Variants in OR6C2 observed in about 807,000 individuals in gnomAD.
OR6C2 encodes olfactory receptor family 6 subfamily C member 2.
For synonymous variants in OR6C2, 146 were observed against 134.2 expected (o/e 1.09, Z -0.61); for missense variants, 435 against 365.8 (o/e 1.19, Z -1.54).
At position 55,452,112 on chromosome 12, in the gene OR6C2, T is replaced by G; in HGVS notation, c.-102T>G. On this transcript the variant is annotated 5_prime_UTR_variant, in exon 2 of 2. Transcript: ENST00000641202. Reference sequence around the variant, plus strand: ...AGAAAATAAAAGTAGGCTGGTCAGCTTGGCTTCTAGATGCATATCCTTTTG... The same window carrying G: ...AGAAAATAAAAGTAGGCTGGTCAGCGTGGCTTCTAGATGCATATCCTTTTG... 1 of 664,240 alleles carries G rather than the reference T, an allele frequency of 1.5e-6. No individual in the cohort carries two copies. 41.1% of individuals were successfully genotyped at this position (664,240 alleles called of 1,614,324 possible). A position where few individuals can be genotyped will look rare whatever the true frequency, so the allele number is the denominator to read the frequency against.
At position 55,452,882 on chromosome 12, in the gene OR6C2, T is replaced by A. The variant is rs763068196; in HGVS notation, c.669T>A (p.Ile223=). The A allele has an allele frequency of 6.2e-7, 1 of 1,613,870 alleles. No individual in the cohort carries two copies. The highest frequency in any genetic ancestry group is 2.2e-5 in the East Asian group (1 of 44,874). The change falls in exon 2 of 2, where the codon ATT becomes ATA. Residue 223 remains isoleucine (I), a synonymous_variant. Transcript: ENST00000641202. ...CCTACTTGTACATAGTCAGAACAAT[T>A]CTGAAGTTCCCTTCTGTTCAGCAAA... is the stretch of plus-strand genomic sequence containing the variant. ...ILSYLYIVRT[I]LKFPSVQQRK...
In OR6C2 at chr12:55,452,308, C is replaced by A; in HGVS notation, c.95C>A (p.Thr32Asn). 5 of 1,613,320 alleles carry A rather than the reference C, an allele frequency of 3.1e-6. No homozygotes were observed. The highest frequency in any genetic ancestry group is 4.2e-6 in the Non-Finnish European group (5 of 1,179,438). The stretch of plus-strand genomic sequence containing the variant: ...CTGCTTTTTATCTTTCTATTTCTCA[C>A]CTACATGTTGAGTGTAACAGGGAAC... ...QVLLFIFLFLTYMLSVTGNLT... is the reference protein window; with the variant it reads ...QVLLFIFLFLNYMLSVTGNLT... Residue 32 changes from threonine (T) to asparagine (N), a missense_variant, in exon 2 of 2, where the codon ACC becomes AAC. Coordinates refer to ENST00000641202, the MANE Select transcript of OR6C2 (RefSeq NM_054105.2).
intron 1 of OR6C2, among the ~76,000 whole-genome samples, chr12:55,447,460 C>A (rs1338935346): frequency 2.0e-5 from 3 of 152,054 alleles, no homozygotes; most frequent in Admixed American, 6.6e-5. Context: ...ATAACTGAAA[C>A]TTTATAACTA....
At chr12:55,450,293 T>C (rs1426555410) in intron 1 of OR6C2, among the ~76,000 whole-genome samples, 1 of 152,072 alleles carries the variant, frequency 6.6e-6, no homozygotes, top group African/African-American at 2.4e-5. Flanking sequence ...AGAATCAATA[T>C]GTATGCACCA....
chr12:55,444,378 G>T (rs1360910573), intron 1 of OR6C2, among the ~76,000 whole-genome samples: 1 of 152,108 alleles, frequency 6.6e-6, no homozygotes, highest in Non-Finnish European at 1.5e-5. Flanking sequence ...GCAGTAGTTT[G>T]TGGTCACCCA....
At position 55,449,722 on chromosome 12, in the gene OR6C2, A is replaced by G. The variant is rs147931226; in HGVS notation, c.-887-1605A>G. Among the ~76,000 whole-genome samples the G allele has an allele frequency of 3.0e-4, 46 of 151,938 alleles. 1 individual carries two copies. Among genetic ancestry groups the G allele is most frequent in the African/African-American group, 9.9e-4 (41 of 41,490 alleles). ...ATATGAGAATCAAATTCTGGAAAAA[A>G]GGAAAAAAAAATTCTAAGTTCTTAG... On this transcript the variant is annotated intron_variant, in intron 1 of 1. Transcript: ENST00000641202.
Position 55,452,592 on chromosome 12 carries a change from C to G in OR6C2, c.379C>G (p.Pro127Ala). ...SYDRYVAICK[P>A]LHYVVIMNNR... is the part of the protein sequence containing the mutation. ...TGACCGCTATGTGGCCATCTGTAAA[C>G]CCCTTCATTATGTGGTCATCATGAA... Residue 127 changes from proline to alanine, a missense_variant, in exon 2 of 2, where the codon CCC becomes GCC. By Grantham distance (27) the Pro-to-Ala change is conservative (BLOSUM62 -1). Coordinates refer to ENST00000641202, the MANE Select transcript of OR6C2 (RefSeq NM_054105.2). The G allele has an allele frequency of 6.2e-7, 1 of 1,613,888 alleles. No individual in the cohort carries two copies. The highest frequency in any genetic ancestry group is 8.5e-7 in the Non-Finnish European group (1 of 1,179,878).
rs190099824 is a variant in OR6C2 at position 55,447,636 on chromosome 12, G to T, written c.-888+3477G>T. Among the ~76,000 whole-genome samples, 7 of 152,062 alleles carry T rather than the reference G, an allele frequency of 4.6e-5. No individual in the cohort carries two copies. The South Asian group carries it at 8.3e-4, about 18-fold the overall frequency. ...TTTCACTTAGTATAACCTCTTGTAG[G>T]TTCATCTGTGTGGTCACAAATCACA... On this transcript the variant is annotated intron_variant, in intron 1 of 1. Coordinates refer to ENST00000641202, the MANE Select transcript of OR6C2 (RefSeq NM_054105.2).
At chr12:55,446,700 G>A (rs1017088163) in intron 1 of OR6C2, among the ~76,000 whole-genome samples, 9 of 152,046 alleles carry the variant, frequency 5.9e-5, no homozygotes, top group African/African-American at 1.9e-4. Context: ...AGTTGAGTGT[G>A]GAGAACAAAA....
rs1871492470 is a variant in OR6C2 at position 55,452,337 on chromosome 12, A to T, written c.124A>T (p.Thr42Ser). 2 of 1,613,406 alleles carry T rather than the reference A, an allele frequency of 1.2e-6. No homozygotes were observed. Among genetic ancestry groups the T allele is most frequent in the Non-Finnish European group, 1.7e-6 (2 of 1,179,636 alleles). Residue 42 changes from threonine (T) to serine (S), a missense_variant, in exon 2 of 2, where the codon ACT becomes TCT. By Grantham distance (58) the Thr-to-Ser change is moderately conservative. Coordinates refer to ENST00000641202, the MANE Select transcript of OR6C2 (RefSeq NM_054105.2). ...TYMLSVTGNL[T>S]IITLTLVDHH... is the part of the protein sequence containing the mutation. ...CATGTTGAGTGTAACAGGGAACCTG[A>T]CTATTATCACCCTCACATTGGTGGA...
intron 1 of OR6C2, among the ~76,000 whole-genome samples, chr12:55,447,984 G>C (rs1871394586): frequency 6.6e-6 from 1 of 151,876 alleles, no homozygotes; most frequent in Non-Finnish European, 1.5e-5. Flanking sequence ...ATTTCTCTAT[G>C]TACTTGCCCA....
chr12:55,452,446 G>T lies in OR6C2; in HGVS notation c.233G>T (p.Arg78Ile), dbSNP rs764033561. Residue 78 changes from arginine to isoleucine, a missense_variant, in exon 2 of 2, where the codon AGA becomes ATA. Coordinates refer to ENST00000641202, the MANE Select transcript of OR6C2 (RefSeq NM_054105.2). ...TCATTTACTACAGTCTGCATTCCCA[G>T]ATTCTTGTACAATATATCAATGGGG... is the stretch of plus-strand genomic sequence containing the variant. ...EVSFTTVCIP[R>I]FLYNISMGDN... is the part of the protein sequence containing the mutation. 6.2e-7 allele frequency: 1 copy of T among 1,613,500 alleles called. No individual in the cohort carries two copies. The highest frequency in any genetic ancestry group is 8.5e-7 in the Non-Finnish European group (1 of 1,179,552).
chr12:55,450,447 T>G (rs981830396), intron 1 of OR6C2, among the ~76,000 whole-genome samples: 10 of 152,132 alleles, frequency 6.6e-5, no homozygotes, highest in Admixed American at 6.6e-4. Context: ...AGGAAGGTCC[T>G]GCCCATGAAG....
intron 1 of OR6C2, among the ~76,000 whole-genome samples, chr12:55,447,846 T>C (rs572096155): frequency 6.6e-6 from 1 of 152,234 alleles, no homozygotes; most frequent in African/African-American, 2.4e-5. Flanking sequence ...ATTTTGCATA[T>C]ATACCAACAG....
Position 55,452,415 on chromosome 12 carries a change from G to T in OR6C2, c.202G>T (p.Glu68Ter). ...YFFLRNFSFL[E>*]VSFTTVCIPR... ...CTTTCTCAGAAATTTTTCCTTCTTA[G>T]AAGTCTCATTTACTACAGTCTGCAT... Residue 68 changes from glutamate to a stop codon, truncating the protein, a stop_gained, in exon 2 of 2, where the codon GAA (glutamate) becomes TAA (stop). Coordinates refer to ENST00000641202, the MANE Select transcript of OR6C2 (RefSeq NM_054105.2). LOFTEE classifies it low-confidence loss of function (END_TRUNC). The T allele has an allele frequency of 1.2e-6, 2 of 1,613,418 alleles. No homozygotes were observed. The highest frequency in any genetic ancestry group is 1.7e-6 in the Non-Finnish European group (2 of 1,179,676).
In OR6C2 at chr12:55,452,236, G is replaced by A; in HGVS notation, c.23G>A (p.Arg8Lys). The A allele has an allele frequency of 6.3e-7, 1 of 1,586,618 alleles. No individual in the cohort carries two copies. The highest frequency in any genetic ancestry group is 8.6e-7 in the Non-Finnish European group (1 of 1,167,740). The change falls in exon 2 of 2, where the codon AGA becomes AAA. Residue 8 changes from arginine to lysine, a missense_variant. Arg to Lys is a conservative substitution (Grantham distance 26). Transcript: ENST00000641202. MKNHTVI[R>K]TFILLGLTGD... Reference sequence around the variant, plus strand: ...GTGATGAAAAACCACACAGTAATAAGAACTTTTATCCTGCTGGGACTGACA... The same window carrying A: ...GTGATGAAAAACCACACAGTAATAAAAACTTTTATCCTGCTGGGACTGACA...
At chr12:55,445,625 C>T (rs1300822752) in intron 1 of OR6C2, among the ~76,000 whole-genome samples, 1 of 152,148 alleles carries the variant, frequency 6.6e-6, no homozygotes, top group Non-Finnish European at 1.5e-5. Flanking sequence ...AACTCATTTC[C>T]TCTTGCTGAA....
Position 55,452,602 on chromosome 12 carries a change from A to G in OR6C2, c.389A>G (p.Tyr130Cys), listed in dbSNP as rs768723583. The G allele has an allele frequency of 1.2e-6, 2 of 1,613,854 alleles. No individual in the cohort carries two copies. The highest frequency in any genetic ancestry group is 4.5e-5 in the East Asian group (2 of 44,868). The change falls in exon 2 of 2, where the codon TAT (tyrosine) becomes TGT (cysteine). Residue 130 changes from tyrosine (Y) to cysteine (C), a missense_variant. Transcript: ENST00000641202. ...GTGGCCATCTGTAAACCCCTTCATT[A>G]TGTGGTCATCATGAACAACAGGGTG... ...RYVAICKPLH[Y>C]VVIMNNRVCT...
intron 1 of OR6C2, among the ~76,000 whole-genome samples, chr12:55,446,185 T>C (rs1871358675): frequency 6.6e-6 from 1 of 151,950 alleles, no homozygotes. Context: ...GTTTCGCTCT[T>C]GTTGCCGAGG....
Sources: gnomAD v4.1 joint callset for allele counts (sites outside exome capture counted in the v4.1 genomes callset) on GRCh38, gnomAD v4.1.1 for gene constraint, MANE v1.5 for transcripts, NCBI Gene and HGNC (gene_info 2026-07-23, HGNC 2026-07-21) for gene names.